CACHD1: variants seen among roughly 807,000 people sequenced by gnomAD.
CACHD1 encodes VWFA and cache domain-containing protein 1.
Under a neutral mutation model 138.7 loss-of-function variants are expected in CACHD1, and 71 were observed. The ratio of observed to expected loss-of-function variants is 0.51; its 90% CI spans 0.42 to 0.62. CACHD1 has a LOEUF of 0.62. CACHD1 is among the 20% of genes least tolerant of loss of function. The pLI, the probability that CACHD1 is intolerant of heterozygous loss-of-function variation, is 0.00. For missense variants in CACHD1, 1,389 were observed against 1,625.3 expected (o/e 0.85, Z 2.50); for synonymous variants, 578 against 591.5 (o/e 0.98, Z 0.33).
chr1:64,673,474 T>A lies in CACHD1; in HGVS notation c.2727+10T>A. On this transcript the variant is annotated intron_variant, in intron 19 of 26. Transcript: ENST00000651257. Reference sequence around the variant, plus strand: ...CAACACCAGCCTTGCGGTAAGTTGATCTGATTCCTTAACACTCTCATTTTT... The same window carrying A: ...CAACACCAGCCTTGCGGTAAGTTGAACTGATTCCTTAACACTCTCATTTTT... 6.3e-7 allele frequency: 1 copy of A among 1,580,516 alleles called. No individual in the cohort carries two copies.
In CACHD1 at chr1:64,590,182, C is replaced by T. The variant is rs1164637531; in HGVS notation, c.410+7878C>T. Among the ~76,000 whole-genome samples the T allele has an allele frequency of 2.6e-5, 4 of 151,866 alleles. No individual in the cohort carries two copies. In the East Asian group the frequency reaches 5.8e-4, roughly 22 times the overall value. On this transcript the variant is annotated intron_variant, in intron 3 of 26. Transcript: ENST00000651257. The stretch of plus-strand genomic sequence containing the variant: ...ACAAACAAACAAAAAATTAGCCGGG[C>T]GTGGTGGCAGGCGCCTGTAGTCCCA...
At chr1:64,531,422 T>C (rs1239536213) in intron 1 of CACHD1, among the ~76,000 whole-genome samples, 3 of 152,134 alleles carry the variant, frequency 2.0e-5, no homozygotes, top group Non-Finnish European at 4.4e-5. Context: ...AGTCAAGAGT[T>C]TAATCTGAGG....
chr1:64,654,627 T>C (rs941925205), intron 11 of CACHD1, 59 bp from the exon 12 acceptor site: 1 of 1,284,856 alleles, frequency 7.8e-7, no homozygotes, highest in African/African-American at 1.5e-5. Flanking sequence ...TCCTTGCCTT[T>C]AATTAAGTGC....
At chr1:64,677,292 G>C (rs1177615365) in intron 22 of CACHD1, among the ~76,000 whole-genome samples, 1 of 152,172 alleles carries the variant, frequency 6.6e-6, no homozygotes, top group East Asian at 1.9e-4. Flanking sequence ...GAACCCCTGA[G>C]GTCCAGAAGC....
chr1:64,614,773 T>C (rs1188085949), intron 4 of CACHD1, among the ~76,000 whole-genome samples: 1 of 152,214 alleles, frequency 6.6e-6, no homozygotes, highest in Non-Finnish European at 1.5e-5. Context: ...AAAATGAGTC[T>C]TGAATCCCCT....
chr1:64,602,246 C>G (rs1647223395), intron 3 of CACHD1, among the ~76,000 whole-genome samples: 1 of 152,014 alleles, frequency 6.6e-6, no homozygotes, highest in Non-Finnish European at 1.5e-5. Flanking sequence ...TTTTTTATGG[C>G]TTTGGAAAAT....
intron 1 of CACHD1, among the ~76,000 whole-genome samples, chr1:64,504,436 C>T (rs1427510459): frequency 6.6e-6 from 1 of 152,228 alleles, no homozygotes; most frequent in Non-Finnish European, 1.5e-5. Context: ...TTGAGGAACA[C>T]AGTCTCTGAC....
intron 4 of CACHD1, among the ~76,000 whole-genome samples, chr1:64,622,879 C>T (rs1348163988): frequency 1.3e-5 from 2 of 152,188 alleles, no homozygotes; most frequent in Admixed American, 1.3e-4. Context: ...ATCCAATAAA[C>T]TTCACATGTT....
In CACHD1 at chr1:64,608,263, T is replaced by A. The variant is rs183073140; in HGVS notation, c.517+5351T>A. ...TGGCTACATCCCAAAGTCCACATAC[T>A]TGAGCAGTTATTTGTAATATGAGAG... On this transcript the variant is annotated intron_variant, in intron 4 of 26. Transcript: ENST00000651257. Among the ~76,000 whole-genome samples, 27 of 152,302 alleles carry A rather than the reference T, an allele frequency of 1.8e-4. No homozygotes were observed. In the East Asian group the frequency reaches 4.8e-3, roughly 27 times the overall value.
chr1:64,676,838 A>G, intron 21 of CACHD1, 57 bp from the exon 22 acceptor site: 6 of 1,379,522 alleles, frequency 4.3e-6, no homozygotes, highest in Non-Finnish European at 6.1e-6. Context: ...GACCAGGAGC[A>G]TGAGTTTGGA....
At chr1:64,537,761 T>C (rs763220390) in intron 1 of CACHD1, among the ~76,000 whole-genome samples, 6 of 152,196 alleles carry the variant, frequency 3.9e-5, no homozygotes, top group Admixed American at 6.5e-5. Flanking sequence ...GCTCTTACTA[T>C]ATGCAAGAAA....
intron 2 of CACHD1, among the ~76,000 whole-genome samples, chr1:64,552,462 T>G (rs1176136839): frequency 2.6e-5 from 3 of 117,026 alleles, no homozygotes; most frequent in Non-Finnish European, 5.1e-5. Flanking sequence ...TGTACTTTTA[T>G]TTTGTTTTGT....
intron 16 of CACHD1, among the ~76,000 whole-genome samples, chr1:64,669,567 C>T (rs1649748300): frequency 6.6e-6 from 1 of 152,124 alleles, no homozygotes. Context: ...AAGGGTGGTG[C>T]TGCTAGAGAT....
chr1:64,678,066 T>A lies in CACHD1; in HGVS notation c.3093-93T>A, dbSNP rs1462701124. 9.2e-6 allele frequency: 12 copies of A among 1,307,090 alleles called. No individual in the cohort carries two copies. The Admixed American group carries it at 3.1e-4, about 34-fold the overall frequency. 81.0% of individuals were successfully genotyped at this position (1,307,090 alleles called of 1,614,324 possible). On this transcript the variant is annotated intron_variant, in intron 22 of 26. Coordinates refer to ENST00000651257, the MANE Select transcript of CACHD1 (RefSeq NM_020925.4). Reference sequence around the variant, plus strand: ...AGAAATTCACAGCACTAGTAAGTAATGGAGATCCTGAGAACTGTCTGATGC... The same window carrying A: ...AGAAATTCACAGCACTAGTAAGTAAAGGAGATCCTGAGAACTGTCTGATGC...
Position 64,679,579 on chromosome 1 carries a change from T to C in CACHD1, c.3245-16T>C, listed in dbSNP as rs1557554372. On this transcript the variant is annotated splice_polypyrimidine_tract_variant and intron_variant, in intron 23 of 26. Coordinates refer to ENST00000651257, the MANE Select transcript of CACHD1 (RefSeq NM_020925.4). ...GAAATCTTAACAAGAAACATCTTCT[T>C]GCTCTTTCACTGAAGGTGATGAGGT... The C allele has an allele frequency of 6.2e-7, 1 of 1,612,914 alleles. No individual in the cohort carries two copies. Among genetic ancestry groups the C allele is most frequent in the Non-Finnish European group, 8.5e-7 (1 of 1,179,400 alleles).
chr1:64,682,845 A>T (rs1650237369), intron 26 of CACHD1, among the ~76,000 whole-genome samples: 1 of 152,058 alleles, frequency 6.6e-6, no homozygotes, highest in Non-Finnish European at 1.5e-5. Flanking sequence ...TCACTGCCAC[A>T]GTTCCACAAA....
At chr1:64,678,453 A>G in intron 23 of CACHD1, 143 bp downstream of exon 23, 1 of 867,356 alleles carries the variant, frequency 1.2e-6, no homozygotes, top group Non-Finnish European at 1.7e-6. Flanking sequence ...AAGGCAGATA[A>G]TTACCTTCAG....
At chr1:64,542,582 C>T (rs1383973391) in intron 1 of CACHD1, among the ~76,000 whole-genome samples, 1 of 151,960 alleles carries the variant, frequency 6.6e-6, no homozygotes, top group Admixed American at 6.6e-5. Context: ...TTGTCTTTCT[C>T]TGTTATATAT....
rs1279687685 is a variant in CACHD1 at position 64,486,363 on chromosome 1, CACACAT to C, written c.198+15427_198+15432del. On this transcript the variant is annotated intron_variant, in intron 1 of 26. Transcript: ENST00000651257. ...TTGAGAGCGCGCGCACACACACACA[CACACAT>C]ACACACACACACACACACACACATA... Among the ~76,000 whole-genome samples, 78 of 91,046 alleles carry C rather than the reference CACACAT, an allele frequency of 8.6e-4. 1 individual carries two copies. The highest frequency in any genetic ancestry group is 9.4e-3 in the Middle Eastern group (2 of 212). 59.7% of individuals were successfully genotyped at this position (91,046 alleles called of 152,430 possible). A position where few individuals can be genotyped will look rare whatever the true frequency, so the allele number is the denominator to read the frequency against.
Sources: gnomAD v4.1 joint callset for allele counts (sites outside exome capture counted in the v4.1 genomes callset) on GRCh38, gnomAD v4.1.1 for gene constraint, MANE v1.5 for transcripts, NCBI Gene and HGNC (gene_info 2026-07-23, HGNC 2026-07-21) for gene names.